Variants in PARD3 observed in about 807,000 individuals in gnomAD.
The protein encoded by PARD3 is par-3 family cell polarity regulator.
In PARD3, 75 loss-of-function variants were observed where a neutral mutation model predicts 155.4. The ratio of observed to expected loss-of-function variants is 0.48; its 90% confidence interval spans 0.40 to 0.58. The LOEUF (loss-of-function observed/expected upper bound fraction) is 0.58, where lower values mean the gene tolerates loss of function less well. PARD3 is among the 20% of genes least tolerant of loss of function. The pLI is 0.00. For synonymous variants in PARD3, 576 were observed against 610.5 expected (o/e 0.94, Z 0.83); for missense variants, 1,642 against 1,721.7 (o/e 0.95, Z 0.82).
intron 1 of PARD3, among the ~76,000 whole-genome samples, chr10:34,720,689 T>G (rs887721295): frequency 6.6e-6 from 1 of 151,700 alleles, no homozygotes; most frequent in African/African-American, 2.4e-5. Context: ...CCCAGCTACT[T>G]GGGAGGCTGA....
intron 24 of PARD3, among the ~76,000 whole-genome samples, chr10:34,115,811 C>T (rs1946640367): frequency 6.6e-6 from 1 of 151,434 alleles, no homozygotes; most frequent in Admixed American, 6.6e-5. Flanking sequence ...CTCCCGGGTT[C>T]ACACCATTCT....
chr10:34,402,819 T>C (rs1190896067), intron 5 of PARD3, among the ~76,000 whole-genome samples: 4 of 152,188 alleles, frequency 2.6e-5, no homozygotes, highest in Non-Finnish European at 4.4e-5. Context: ...AAAAGGTGCA[T>C]GTGGAATAAA....
At chr10:34,674,484 T>A (rs1407943147) in intron 2 of PARD3, among the ~76,000 whole-genome samples, 1 of 145,524 alleles carries the variant, frequency 6.9e-6, no homozygotes, top group African/African-American at 2.6e-5. Context: ...CTTGATTTTT[T>A]TTTTTTTTTT....
chr10:34,712,021 C>A (rs2133638729), intron 1 of PARD3, among the ~76,000 whole-genome samples: 1 of 152,286 alleles, frequency 6.6e-6, no homozygotes, highest in African/African-American at 2.4e-5. Flanking sequence ...AGAGGTGGGT[C>A]CCCAGTGTGA....
chr10:34,651,257 T>A (rs1261613457), intron 2 of PARD3, among the ~76,000 whole-genome samples: 3 of 152,136 alleles, frequency 2.0e-5, no homozygotes, highest in Non-Finnish European at 4.4e-5. Context: ...CATGTCTTCT[T>A]TTTGTTGTTC....
At chr10:34,264,747 ATTT>A (rs71523323) in intron 22 of PARD3, among the ~76,000 whole-genome samples, 5,892 of 145,238 alleles carry the variant, frequency 0.041, 307 homozygotes, top group African/African-American at 0.13. Context: ...AAAAACTGGG[ATTT>A]TTTTTTTTTT....
chr10:34,198,576 T>C (rs1315895469), intron 22 of PARD3, among the ~76,000 whole-genome samples: 1 of 152,098 alleles, frequency 6.6e-6, no homozygotes, highest in African/African-American at 2.4e-5. Flanking sequence ...TTTTTCTTTA[T>C]ACTTTTCTGC....
At chr10:34,398,348 A>G (rs891596234) in intron 7 of PARD3, among the ~76,000 whole-genome samples, 1 of 152,228 alleles carries the variant, frequency 6.6e-6, no homozygotes, top group African/African-American at 2.4e-5. Flanking sequence ...AGATGCCTGT[A>G]ATTACTTGAC....
At chr10:34,147,803 C>A (rs142473859) in intron 22 of PARD3, among the ~76,000 whole-genome samples, 2 of 152,182 alleles carry the variant, frequency 1.3e-5, no homozygotes, top group East Asian at 3.9e-4. Flanking sequence ...CAAGGTGCTG[C>A]CAGATCATGA....
intron 5 of PARD3, among the ~76,000 whole-genome samples, chr10:34,407,603 G>A (rs1457616919): frequency 1.3e-5 from 2 of 152,130 alleles, no homozygotes; most frequent in Admixed American, 6.5e-5. Flanking sequence ...AAAGGCAGTC[G>A]ACATACTACC....
At chr10:34,652,565 G>A (rs1410506852) in intron 2 of PARD3, among the ~76,000 whole-genome samples, 2 of 152,150 alleles carry the variant, frequency 1.3e-5, no homozygotes, top group East Asian at 1.9e-4. Context: ...TATTCTTCAA[G>A]TAACAGACAA....
chr10:34,117,391 T>G (rs1197550838), intron 24 of PARD3, among the ~76,000 whole-genome samples: 1 of 152,032 alleles, frequency 6.6e-6, no homozygotes, highest in Non-Finnish European at 1.5e-5. Flanking sequence ...TCGTCCACAC[T>G]GTCAGCTCAC....
intron 1 of PARD3, among the ~76,000 whole-genome samples, chr10:34,795,536 C>T (rs1765661335): frequency 6.6e-6 from 1 of 151,968 alleles, no homozygotes; most frequent in African/African-American, 2.4e-5. Context: ...CACTTGAGCC[C>T]AGCATTTTGA....
At chr10:34,443,061 AAAC>A (rs1035712216) in intron 5 of PARD3, among the ~76,000 whole-genome samples, 1 of 152,142 alleles carries the variant, frequency 6.6e-6, no homozygotes, top group Non-Finnish European at 1.5e-5. Flanking sequence ...AGTGGAAAAA[AAAC>A]AACTCTGGTA....
chr10:34,271,037 A>G (rs145751596), intron 21 of PARD3, among the ~76,000 whole-genome samples: 162 of 152,322 alleles, frequency 1.1e-3, no homozygotes, highest in African/African-American at 3.1e-3. Flanking sequence ...TCTCCTTTAT[A>G]TACTTACAAA....
chr10:34,155,572 G>T (rs1445885920), intron 22 of PARD3, among the ~76,000 whole-genome samples: 9 of 152,096 alleles, frequency 5.9e-5, no homozygotes, highest in Non-Finnish European at 8.8e-5. Context: ...CTGAAGAAGG[G>T]TGATGGGTCA....
chr10:34,203,139 G>A (rs1311397386), intron 22 of PARD3, among the ~76,000 whole-genome samples: 2 of 152,138 alleles, frequency 1.3e-5, no homozygotes, highest in Non-Finnish European at 2.9e-5. Context: ...TTTGAAGGTC[G>A]TTTTATGGCA....
At chr10:34,307,754 G>T (rs896985913) in intron 20 of PARD3, among the ~76,000 whole-genome samples, 2 of 152,186 alleles carry the variant, frequency 1.3e-5, no homozygotes, top group Non-Finnish European at 2.9e-5. Flanking sequence ...TTGGCAATGG[G>T]CATCTGTTAC....
chr10:34,451,556 T>C (rs2077058130), intron 4 of PARD3, among the ~76,000 whole-genome samples: 1 of 152,162 alleles, frequency 6.6e-6, no homozygotes, highest in East Asian at 1.9e-4. Context: ...AGGATACTAT[T>C]TGCTCTTCCT....
Sources: allele counts gnomAD v4.1 joint callset (sites outside exome capture counted in the v4.1 genomes callset), GRCh38; gene constraint gnomAD v4.1.1; transcripts MANE v1.5; gene names NCBI Gene and HGNC (gene_info 2026-07-23, HGNC 2026-07-21).